CACNA2D3: variants seen among roughly 807,000 people sequenced by gnomAD.
CACNA2D3 encodes the protein calcium voltage-gated channel auxiliary subunit alpha2delta 3.
CACNA2D3 carries 60 observed loss-of-function variants against 160.6 expected under a neutral mutation model. The observed-to-expected ratio is 0.37, with a 90% confidence interval of 0.30 to 0.46. The LOEUF (loss-of-function observed/expected upper bound fraction) is 0.46, where lower values mean the gene tolerates loss of function less well. CACNA2D3 is among the 20% of genes least tolerant of loss of function. The pLI is 1.00. For missense variants in CACNA2D3, 1,205 were observed against 1,365.0 expected, an observed-to-expected ratio of 0.88 and a Z score of 1.85; for synonymous variants, 558 against 492.9, an observed-to-expected ratio of 1.13 and a Z score of -1.75.
At chr3:54,367,719 T>G (rs529682647) in intron 3 of CACNA2D3, 5 of 168,552 alleles carry the variant, frequency 3.0e-5, no homozygotes, top group African/African-American at 1.2e-4. Context: ...ATGAACTTAT[T>G]TTAAACTGGG....
intron 27 of CACNA2D3, among the ~76,000 whole-genome samples, chr3:54,904,655 T>C (rs1364947185): frequency 6.6e-6 from 1 of 152,216 alleles, no homozygotes; most frequent in Non-Finnish European, 1.5e-5. Context: ...GACCCAATTA[T>C]CTTTTTATTC....
intron 2 of CACNA2D3, among the ~76,000 whole-genome samples, chr3:54,157,244 G>T (rs1184601097): frequency 1.3e-5 from 2 of 152,136 alleles, no homozygotes; most frequent in Admixed American, 6.5e-5. Context: ...ATAGCTTAAG[G>T]CCCCAACTTC....
At chr3:54,827,674 C>A (rs982187957) in intron 14 of CACNA2D3, among the ~76,000 whole-genome samples, 1 of 152,140 alleles carries the variant, frequency 6.6e-6, no homozygotes, top group African/African-American at 2.4e-5. Flanking sequence ...GTGAAGGAGC[C>A]GTGAGCAAGG....
At chr3:54,406,352 A>AGT (rs1189200141) in intron 4 of CACNA2D3, among the ~76,000 whole-genome samples, 1 of 152,104 alleles carries the variant, frequency 6.6e-6, no homozygotes, top group African/African-American at 2.4e-5. Context: ...ATATGTATAT[A>AGT]GTGTGTATGT....
chr3:54,139,231 T>C (rs6765381), intron 2 of CACNA2D3, among the ~76,000 whole-genome samples: 116,025 of 152,218 alleles, frequency 0.76, 44,557 homozygotes, highest in African/African-American at 0.84. Context: ...CTTTTCACTT[T>C]GTCCCAGTGT....
intron 13 of CACNA2D3, among the ~76,000 whole-genome samples, chr3:54,806,549 A>C (rs934024751): frequency 1.4e-4 from 22 of 151,828 alleles, no homozygotes; most frequent in Non-Finnish European, 2.9e-4. Context: ...CAATGAAATA[A>C]AAGAGGATAC....
At chr3:54,897,867 A>G (rs763480369) in intron 26 of CACNA2D3, among the ~76,000 whole-genome samples, 6 of 152,202 alleles carry the variant, frequency 3.9e-5, no homozygotes, top group Non-Finnish European at 7.3e-5. Context: ...TCCCTCATCA[A>G]TGGACATATT....
At chr3:54,437,706 A>G (rs549717814) in intron 4 of CACNA2D3, among the ~76,000 whole-genome samples, 1 of 152,230 alleles carries the variant, frequency 6.6e-6, no homozygotes, top group East Asian at 1.9e-4. Flanking sequence ...GACCACAAGG[A>G]AATTCACTTT....
chr3:54,299,213 A>T (rs76884282), intron 2 of CACNA2D3, among the ~76,000 whole-genome samples: 2,692 of 39,556 alleles, frequency 0.068, 81 homozygotes, highest in African/African-American at 0.18. Context: ...TTCCATTATT[A>T]AAAAAAAAAA....
intron 33 of CACNA2D3, 133 bp from the exon 34 acceptor site, chr3:55,009,255 C>A: frequency 4.0e-6 from 3 of 750,114 alleles, no homozygotes; most frequent in South Asian, 3.4e-5. Flanking sequence ...GTAACTCAGC[C>A]AACTGTGTTG....
At chr3:55,006,298 A>G (rs1703092027) in intron 32 of CACNA2D3, among the ~76,000 whole-genome samples, 1 of 152,166 alleles carries the variant, frequency 6.6e-6, no homozygotes, top group African/African-American at 2.4e-5. Flanking sequence ...GGAATGCCTG[A>G]GTGCCTTCCC....
At chr3:54,282,988 T>C (rs889149892) in intron 2 of CACNA2D3, among the ~76,000 whole-genome samples, 2 of 152,298 alleles carry the variant, frequency 1.3e-5, no homozygotes, top group East Asian at 3.9e-4. Flanking sequence ...TAGGTCTTTA[T>C]TCTTGAGGGT....
chr3:54,918,350 T>TG, intron 27 of CACNA2D3: 3 of 431,212 alleles, frequency 7.0e-6, no homozygotes, highest in Non-Finnish European at 1.1e-5. Flanking sequence ...TTTTTTTTTT[T>TG]TTTTTGTCTT....
intron 14 of CACNA2D3, among the ~76,000 whole-genome samples, chr3:54,820,043 C>G (rs1248685851): frequency 6.6e-6 from 1 of 152,156 alleles, no homozygotes; most frequent in African/African-American, 2.4e-5. Flanking sequence ...TTCTAATGAG[C>G]TCTTTCCAAA....
chr3:54,674,644 A>G (rs754246443), intron 11 of CACNA2D3, among the ~76,000 whole-genome samples: 4 of 152,116 alleles, frequency 2.6e-5, no homozygotes, highest in Non-Finnish European at 5.9e-5. Context: ...AGGATAGTTA[A>G]TAGAATTGAG....
At chr3:54,646,184 C>CTCCCTCCCTGCTTGCTTGCT (rs1699642449) in intron 11 of CACNA2D3, among the ~76,000 whole-genome samples, 1 of 14,906 alleles carries the variant, frequency 6.7e-5, no homozygotes, top group African/African-American at 2.1e-4. Context: ...CCCTCCCTCC[C>CTCCCTCCCTGCTTGCTTGCT]TCCTTCCTTG....
intron 28 of CACNA2D3, 82 bp downstream of exon 28, chr3:54,968,593 G>T (rs938422994): frequency 7.0e-5 from 68 of 970,600 alleles, no homozygotes; most frequent in Non-Finnish European, 1.0e-4. Flanking sequence ...GAGCCTGAAA[G>T]TGCCAGATTT....
chr3:54,668,911 C>A (rs1700113579), intron 11 of CACNA2D3, among the ~76,000 whole-genome samples: 1 of 152,232 alleles, frequency 6.6e-6, no homozygotes, highest in African/African-American at 2.4e-5. Flanking sequence ...GATGCTGTTC[C>A]ACCTCCCACA....
intron 27 of CACNA2D3, among the ~76,000 whole-genome samples, chr3:54,933,532 A>C (rs181797484): frequency 4.6e-5 from 7 of 152,214 alleles, no homozygotes; most frequent in African/African-American, 1.7e-4. Flanking sequence ...ACAGCAAGAG[A>C]TGCTGGGAAA....
Sources: allele counts gnomAD v4.1 joint callset (sites outside exome capture counted in the v4.1 genomes callset), GRCh38; gene constraint gnomAD v4.1.1; transcripts MANE v1.5; gene names NCBI Gene and HGNC (gene_info 2026-07-23, HGNC 2026-07-21).